Variants in NALCN observed in about 807,000 individuals in gnomAD.
NALCN encodes sodium leak channel, non-selective.
In NALCN, 111 loss-of-function variants were observed where a neutral mutation model predicts 225.3. The ratio of observed to expected loss-of-function variants is 0.49; its 90% CI spans 0.42 to 0.58. The LOEUF is 0.58. Among genes scored for constraint, NALCN ranks in the 20% least tolerant of loss-of-function variants. The pLI is 0.00. For synonymous variants in NALCN, 764 were observed against 769.0 expected (o/e 0.99, Z 0.11); for missense variants, 1,378 against 2,202.4 (o/e 0.63, Z 7.49).
intron 11 of NALCN, among the ~76,000 whole-genome samples, chr13:101,250,022 G>T (rs753789326): frequency 6.6e-6 from 1 of 152,170 alleles, no homozygotes; most frequent in South Asian, 2.1e-4. Flanking sequence ...ACAACCAATT[G>T]TAGTAAAGTT....
At chr13:101,238,542 T>C (rs1355776232) in intron 11 of NALCN, among the ~76,000 whole-genome samples, 1 of 151,966 alleles carries the variant, frequency 6.6e-6, no homozygotes, top group Non-Finnish European at 1.5e-5. Flanking sequence ...ACATGCATTC[T>C]ATGAATTTAC....
At chr13:101,130,564 AGATCTTGAAAGCAGTTTCTCT>A (rs1443471711) in intron 17 of NALCN, among the ~76,000 whole-genome samples, 1 of 152,186 alleles carries the variant, frequency 6.6e-6, no homozygotes, top group East Asian at 1.9e-4. Context: ...TCATATTCTT[AGATCTTGAAAGCAGTTTCTCT>A]GACCTTGAAA....
intron 18 of NALCN, among the ~76,000 whole-genome samples, chr13:101,119,451 G>A (rs1294604724): frequency 6.6e-6 from 1 of 152,134 alleles, no homozygotes; most frequent in Non-Finnish European, 1.5e-5. Flanking sequence ...GCATTCGAAA[G>A]GTTATAAATA....
intron 15 of NALCN, among the ~76,000 whole-genome samples, chr13:101,156,498 A>G (rs1036436513): frequency 1.3e-5 from 2 of 152,144 alleles, no homozygotes; most frequent in East Asian, 1.9e-4. Context: ...CTACGTATGT[A>G]TCTTACATAA....
intron 7 of NALCN, among the ~76,000 whole-genome samples, chr13:101,328,154 G>A (rs941636902): frequency 6.6e-6 from 1 of 152,194 alleles, no homozygotes; most frequent in Non-Finnish European, 1.5e-5. Context: ...CCAGGACATA[G>A]CGTCTCAGCT....
chr13:101,072,015 C>T (rs968633039), intron 37 of NALCN, among the ~76,000 whole-genome samples: 2 of 152,082 alleles, frequency 1.3e-5, no homozygotes, highest in Non-Finnish European at 2.9e-5. Context: ...GTGCAGCAAT[C>T]AGAAGACATA....
intron 10 of NALCN, among the ~76,000 whole-genome samples, chr13:101,262,177 T>C (rs1265112529): frequency 6.6e-6 from 1 of 152,246 alleles, no homozygotes; most frequent in African/African-American, 2.4e-5. Context: ...TGAATCATCC[T>C]TGTATCCCAG....
At position 101,143,614 on chromosome 13, in the gene NALCN, G is replaced by A. The variant is rs570671351; in HGVS notation, c.1977-393C>T. 1.4e-4 allele frequency among the ~76,000 whole-genome samples: 22 copies of A among 152,122 alleles called. No individual in the cohort carries two copies. The East Asian group carries it at 1.6e-3, about 11-fold the overall frequency. The stretch of plus-strand genomic sequence containing the variant: ...AGAGTAGCTGGGATTACAGGCATGC[G>A]CCACCACGCCCAGCTAATTTTGTAT... On this transcript the variant is annotated intron_variant, in intron 16 of 43. Transcript: ENST00000251127.
intron 11 of NALCN, among the ~76,000 whole-genome samples, chr13:101,245,960 G>A (rs2041882963): frequency 6.6e-6 from 1 of 152,146 alleles, no homozygotes. Context: ...CCAAGTAGGT[G>A]GCCAATGGGA....
chr13:101,209,920 T>C (rs1229484810), intron 13 of NALCN, among the ~76,000 whole-genome samples: 1 of 152,240 alleles, frequency 6.6e-6, no homozygotes, highest in Non-Finnish European at 1.5e-5. Context: ...AGCAAGTACA[T>C]TTCTGTTGGA....
chr13:101,145,261 C>A (rs2037291341), intron 15 of NALCN, among the ~76,000 whole-genome samples: 1 of 151,924 alleles, frequency 6.6e-6, no homozygotes, highest in Non-Finnish European at 1.5e-5. Flanking sequence ...ATGCCTAACG[C>A]TAGAATTAAA....
At position 101,089,740 on chromosome 13, in the gene NALCN, C is replaced by T. The variant is rs1301702833; in HGVS notation, c.3412G>A (p.Val1138Ile). 1.2e-6 allele frequency: 2 copies of T among 1,614,046 alleles called. No homozygotes were observed. Among genetic ancestry groups the T allele is most frequent in the East Asian group, 2.2e-5 (1 of 44,882 alleles). ...VGPIHGIYIH[V>I]FVFLGCMIGL... ...ATCATGCAACCCAGGAATACAAAAA[C>T]ATGAATATAGATTCCATGGATCTGC... Residue 1138 changes from valine to isoleucine, a missense_variant, in exon 30 of 44, where the codon GTT becomes ATT. Physicochemically the swap from Val to Ile is conservative, Grantham distance 29. Around this residue, in one of 19 missense-constraint regions of NALCN, gnomAD observed 292 missense variants for 409.5 expected, o/e 0.71. Transcript: ENST00000251127. This position sits in a 1 kb window ranked among gnomAD's most constrained non-coding sequence, Gnocchi z 4.7.
At chr13:101,098,039 C>T (rs779342172) in intron 27 of NALCN, among the ~76,000 whole-genome samples, 32 of 152,136 alleles carry the variant, frequency 2.1e-4, no homozygotes, top group Non-Finnish European at 4.1e-4. Context: ...GCTGTGATTT[C>T]GAAGCCCATG....
intron 7 of NALCN, among the ~76,000 whole-genome samples, chr13:101,332,328 A>C (rs919321128): frequency 6.6e-6 from 1 of 151,184 alleles, no homozygotes; most frequent in Admixed American, 6.6e-5. Flanking sequence ...TAAGACAGCA[A>C]AGACAAAGGG....
chr13:101,280,880 CTCT>C (rs1566525657), intron 10 of NALCN, among the ~76,000 whole-genome samples: 3 of 108,128 alleles, frequency 2.8e-5, no homozygotes, highest in South Asian at 2.9e-4. Flanking sequence ...TTCTCTCTCT[CTCT>C]TTTTTTTTTT....
chr13:101,107,639 G>C, intron 21 of NALCN, 30 bp from the exon 22 acceptor site: 3 of 1,613,972 alleles, frequency 1.9e-6, no homozygotes, highest in Non-Finnish European at 2.5e-6. Context: ...GGAGAATGAG[G>C]CTAAGGGAAA....
At chr13:101,238,244 A>T (rs1345191153) in intron 11 of NALCN, among the ~76,000 whole-genome samples, 1 of 151,876 alleles carries the variant, frequency 6.6e-6, no homozygotes, top group African/African-American at 2.4e-5. Context: ...AAAAGGCTGA[A>T]TTTTTTTGTA....
intron 15 of NALCN, among the ~76,000 whole-genome samples, chr13:101,161,132 A>C (rs2038163119): frequency 6.6e-6 from 1 of 152,198 alleles, no homozygotes; most frequent in African/African-American, 2.4e-5. Context: ...GGAGGCAGTC[A>C]TTTTTGTCTG....
At chr13:101,289,525 CATATATATATAT>C (rs10549837) in intron 9 of NALCN, among the ~76,000 whole-genome samples, 1 of 140,858 alleles carries the variant, frequency 7.1e-6, no homozygotes, top group Non-Finnish European at 1.5e-5. Context: ...TGAAAATGTG[CATATATATATAT>C]ATATATATAT....
Sources: allele counts gnomAD v4.1 joint callset (sites outside exome capture counted in the v4.1 genomes callset), GRCh38; gene constraint gnomAD v4.1.1; regional missense constraint gnomAD v4.1.1; non-coding constraint Gnocchi (gnomAD v3.1); transcripts MANE v1.5; gene names NCBI Gene and HGNC (gene_info 2026-07-23, HGNC 2026-07-21).